RBBP8: variants seen among roughly 807,000 people sequenced by gnomAD.
RBBP8 encodes the protein DNA endonuclease RBBP8.
A neutral mutation model predicts 108.3 loss-of-function variants in RBBP8; 88 were observed. The ratio of observed to expected loss-of-function variants is 0.81; its 90% CI spans 0.68 to 0.97. RBBP8 has a LOEUF of 0.97. Ranked by LOEUF, RBBP8 falls within the 50% of genes least tolerant of loss-of-function variation. The pLI is 0.00. For synonymous variants in RBBP8, 332 were observed against 348.2 expected (o/e 0.95, Z 0.52); for missense variants, 1,023 against 1,049.0 (o/e 0.98, Z 0.34).
At chr18:22,957,152 A>ACT (rs1912629819) in intron 4 of RBBP8, among the ~76,000 whole-genome samples, 1 of 152,192 alleles carries the variant, frequency 6.6e-6, no homozygotes, top group Admixed American at 6.5e-5. Flanking sequence ...GCTGTTATTC[A>ACT]TAGATTTGAA....
At chr18:22,972,307 T>C (rs1914156398) in intron 5 of RBBP8, among the ~76,000 whole-genome samples, 1 of 144,028 alleles carries the variant, frequency 6.9e-6, no homozygotes, top group Non-Finnish European at 1.5e-5. Flanking sequence ...TGAGCCAAGA[T>C]TGCGCCACTG....
intron 5 of RBBP8, 54 bp from the exon 6 acceptor site, chr18:22,975,099 C>A: frequency 6.6e-7 from 1 of 1,525,730 alleles, no homozygotes; most frequent in Non-Finnish European, 8.9e-7. Flanking sequence ...GAAAGCCTAA[C>A]ATAGATGTTA....
chr18:22,962,532 G>A (rs906576676), intron 4 of RBBP8, among the ~76,000 whole-genome samples: 1 of 151,824 alleles, frequency 6.6e-6, no homozygotes, highest in Non-Finnish European at 1.5e-5. Flanking sequence ...TCCTCCCAAA[G>A]CACGTATCAC....
chr18:22,980,025 C>A (rs1914785551), intron 6 of RBBP8, among the ~76,000 whole-genome samples: 1 of 152,012 alleles, frequency 6.6e-6, no homozygotes, highest in Non-Finnish European at 1.5e-5. Context: ...ACGGGTGGAT[C>A]ACTTGAGGTC....
chr18:22,915,877 A>T (rs1018252499), intron 2 of RBBP8, among the ~76,000 whole-genome samples: 1 of 152,096 alleles, frequency 6.6e-6, no homozygotes, highest in African/African-American at 2.4e-5. Flanking sequence ...TTTATATAAA[A>T]TCCATGGGTA....
At chr18:22,999,560 G>A (rs1189527795) in intron 14 of RBBP8, among the ~76,000 whole-genome samples, 1 of 152,034 alleles carries the variant, frequency 6.6e-6, no homozygotes, top group Non-Finnish European at 1.5e-5. Context: ...GAAATGAACA[G>A]GCCCTCAGTG....
At chr18:22,955,633 A>G (rs57289774) in intron 4 of RBBP8, among the ~76,000 whole-genome samples, 345 of 149,596 alleles carry the variant, frequency 2.3e-3, no homozygotes, top group African/African-American at 7.6e-3. Context: ...GCTGGAGTGC[A>G]GTGGCGCGAT....
rs187655340 is a variant in RBBP8 at position 22,918,344 on chromosome 18, A to G, written c.-154+1318A>G. Among the ~76,000 whole-genome samples the G allele has an allele frequency of 8.5e-5, 13 of 152,326 alleles. No individual in the cohort carries two copies. The East Asian group carries it at 2.3e-3, about 27-fold the overall frequency. On this transcript the variant is annotated intron_variant, in intron 3 of 4. Coordinates refer to the RBBP8 transcript ENST00000577588. ...TCTACTTACAAAACCTCAATGGCAG[A>G]GCCTACTACACACCTAGACTATATG...
chr18:23,014,921 T>C (rs941937358), intron 16 of RBBP8, among the ~76,000 whole-genome samples: 1 of 152,214 alleles, frequency 6.6e-6, no homozygotes, highest in Non-Finnish European at 1.5e-5. Context: ...GATCTCACTT[T>C]GTTACCTAGG....
At chr18:23,014,092 G>A (rs971608659) in intron 16 of RBBP8, among the ~76,000 whole-genome samples, 8 of 152,074 alleles carry the variant, frequency 5.3e-5, no homozygotes, top group African/African-American at 1.9e-4. Context: ...TCCGCCTCCC[G>A]AGTTCAAGTG....
chr18:23,011,850 T>C (rs187558446), intron 16 of RBBP8, among the ~76,000 whole-genome samples: 81 of 152,194 alleles, frequency 5.3e-4, no homozygotes, highest in African/African-American at 1.8e-3. Context: ...ACCGACCATT[T>C]TCCCATCTCT....
At chr18:22,975,594 T>G (rs1914443192) in intron 6 of RBBP8, among the ~76,000 whole-genome samples, 1 of 152,104 alleles carries the variant, frequency 6.6e-6, no homozygotes, top group Non-Finnish European at 1.5e-5. Flanking sequence ...TACTCAGGCC[T>G]GTAGAACTTC....
rs765106895 is a variant in RBBP8 at position 23,001,745 on chromosome 18, G to A, written c.2287+16G>A. On this transcript the variant is annotated intron_variant, in intron 15 of 18. Coordinates refer to ENST00000327155, the MANE Select transcript of RBBP8 (RefSeq NM_002894.3). Reference sequence around the variant, plus strand: ...AAACTACACAGTAAGATTTTTTTCTGTTTAATTATGGCTTCTCAGTTGCAG... The same window carrying A: ...AAACTACACAGTAAGATTTTTTTCTATTTAATTATGGCTTCTCAGTTGCAG... The A allele has an allele frequency of 6.2e-6, 10 of 1,613,846 alleles. No individual in the cohort carries two copies. In the South Asian group the frequency reaches 9.9e-5, roughly 16 times the overall value.
At chr18:22,938,798 G>A (rs1418386687) in intron 2 of RBBP8, among the ~76,000 whole-genome samples, 1 of 152,128 alleles carries the variant, frequency 6.6e-6, no homozygotes, top group Non-Finnish European at 1.5e-5. Context: ...CAAACCCGTA[G>A]CACTGAAATA....
At chr18:22,971,849 G>C (rs1480573279) in intron 5 of RBBP8, among the ~76,000 whole-genome samples, 1 of 150,956 alleles carries the variant, frequency 6.6e-6, no homozygotes, top group Non-Finnish European at 1.5e-5. Flanking sequence ...GTTTCACTAT[G>C]TTGGCCAGGC....
At chr18:22,977,433 C>T (rs1445562810) in intron 6 of RBBP8, among the ~76,000 whole-genome samples, 1 of 151,888 alleles carries the variant, frequency 6.6e-6, no homozygotes, top group Non-Finnish European at 1.5e-5. Flanking sequence ...ATTAGTGACA[C>T]CAAAATTATT....
chr18:22,955,458 A>C (rs1022058190), intron 4 of RBBP8, among the ~76,000 whole-genome samples: 6 of 152,164 alleles, frequency 3.9e-5, no homozygotes, highest in Admixed American at 2.0e-4. Context: ...TCCAGCGCTA[A>C]ATCTTTCTAT....
intron 10 of RBBP8, among the ~76,000 whole-genome samples, 193 bp from the exon 11 acceptor site, chr18:22,992,555 T>A (rs1468768117): frequency 6.6e-6 from 1 of 152,232 alleles, no homozygotes; most frequent in Non-Finnish European, 1.5e-5. Flanking sequence ...TTTTAAAATA[T>A]GAATATTATG....
rs368600707 is a variant in RBBP8, at chr18:23,012,207, C to CAAAAAAAAAAAAAAAA, written c.2358-4621_2358-4620insAAAAAAAAAAAAAAAA. On this transcript the variant is annotated intron_variant, in intron 16 of 18. Coordinates refer to ENST00000327155, the MANE Select transcript of RBBP8 (RefSeq NM_002894.3). ...TGGGAGACAAAGTGAGATGCTGTCT[C>CAAAAAAAAAAAAAAAA]CAAAAAAAAAAAAAAAAAAAAAAAC... Among the ~76,000 whole-genome samples, 8 of 81,174 alleles carry CAAAAAAAAAAAAAAAA rather than the reference C, an allele frequency of 9.9e-5. 3 individuals are homozygous for CAAAAAAAAAAAAAAAA. The highest frequency in any genetic ancestry group is 2.3e-5 in the Non-Finnish European group (1 of 43,760). The allele number at this position is 81,174 out of a possible 152,430, so 53.3% of individuals were successfully genotyped here.
Sources: allele counts gnomAD v4.1 joint callset (sites outside exome capture counted in the v4.1 genomes callset), GRCh38; gene constraint gnomAD v4.1.1; transcripts MANE v1.5; gene names NCBI Gene and HGNC (gene_info 2026-07-23, HGNC 2026-07-21).